MAP2: variants seen among roughly 807,000 people sequenced by gnomAD.
MAP2 encodes microtubule-associated protein 2.
A neutral mutation model predicts 137.6 loss-of-function variants in MAP2; 14 were observed. The observed-to-expected ratio is 0.10, with a 90% CI of 0.07 to 0.16. The LOEUF is 0.16. Among genes scored for constraint, MAP2 ranks in the 10% least tolerant of loss-of-function variants. The pLI is 1.00. For missense variants in MAP2, 2,088 were observed against 2,191.5 expected, an observed-to-expected ratio of 0.95 and a Z score of 0.94; for synonymous variants, 786 against 782.3, an observed-to-expected ratio of 1.00 and a Z score of -0.08.
At chr2:209,564,582 A>C (rs1033196469) in intron 2 of MAP2, among the ~76,000 whole-genome samples, 7 of 150,270 alleles carry the variant, frequency 4.7e-5, no homozygotes, top group Non-Finnish European at 8.9e-5. Flanking sequence ...AAAAAAAAAA[A>C]ACCAAAAGCC....
At chr2:209,482,895 T>C (rs2057908708) in intron 1 of MAP2, among the ~76,000 whole-genome samples, 1 of 152,232 alleles carries the variant, frequency 6.6e-6, no homozygotes, top group African/African-American at 2.4e-5. Flanking sequence ...TTTTACAGAA[T>C]CATTGTCTGT....
At chr2:209,696,854 C>A in intron 9 of MAP2, 63 bp from the exon 10 acceptor site, 2 of 1,552,780 alleles carry the variant, frequency 1.3e-6, no homozygotes, top group Non-Finnish European at 8.7e-7. Context: ...AAATTTCGTT[C>A]GGTTTTGCTC....
In MAP2 at chr2:209,710,229, T is replaced by A; in HGVS notation, c.5048T>A (p.Ile1683Asn). 2 of 1,588,372 alleles carry A rather than the reference T, an allele frequency of 1.3e-6. No individual in the cohort carries two copies. Among genetic ancestry groups the A allele is most frequent in the Non-Finnish European group, 1.7e-6 (2 of 1,166,310 alleles). ...VKSKIGSTDN[I>N]KYQPKGGQVQ... ...TCCAAAATCGGATCAACAGACAACA[T>A]CAAATACCAGCCTAAAGGGGGGCAG... Residue 1683 changes from isoleucine (I) to asparagine (N), a missense_variant, in exon 13 of 16, where the codon ATC (isoleucine) becomes AAC (asparagine). By Grantham distance (149) the Ile-to-Asn change is moderately radical (BLOSUM62 -3). This residue lies in a region of MAP2 where 112 missense variants were observed against 201.0 expected (regional missense o/e 0.56). Transcript: ENST00000682079.
chr2:209,720,654 A>G (rs1404886098), intron 13 of MAP2, among the ~76,000 whole-genome samples: 2 of 151,816 alleles, frequency 1.3e-5, no homozygotes, highest in South Asian at 4.2e-4. Context: ...AAAAAAAAAA[A>G]AAAAAAACTT....
intron 5 of MAP2, among the ~76,000 whole-genome samples, chr2:209,676,843 A>T (rs1346296025): frequency 6.8e-6 from 1 of 148,040 alleles, no homozygotes; most frequent in African/African-American, 2.5e-5. Context: ...CTGGGGTGCT[A>T]GAAGAAGCTA....
chr2:209,704,305 T>A (rs1339131754), intron 11 of MAP2: 6 of 658,186 alleles, frequency 9.1e-6, no homozygotes, highest in African/African-American at 1.8e-5. Context: ...TAAGTACACA[T>A]CTCTATCATT....
rs2082246683 is a variant in MAP2, at chr2:209,599,093, A to C, written c.-107+18993A>C. Among the ~76,000 whole-genome samples the C allele has an allele frequency of 2.0e-5, 3 of 152,214 alleles. No homozygotes were observed. The South Asian group carries it at 6.2e-4, about 32-fold the overall frequency. On this transcript the variant is annotated intron_variant, in intron 3 of 15. Transcript: ENST00000682079. ...TGTCAAAGTGTTCCTATTTCTCCAC[A>C]TCCTCTCCAGCACCTGTTGTTTCCT... is the stretch of plus-strand genomic sequence containing the variant.
At chr2:209,429,109 G>A (rs1319687981) in intron 1 of MAP2, among the ~76,000 whole-genome samples, 5 of 151,628 alleles carry the variant, frequency 3.3e-5, no homozygotes, top group African/African-American at 4.8e-5. Flanking sequence ...GCCCGCCACC[G>A]CTCCCGGCTA....
At chr2:209,692,580 C>A in intron 7 of MAP2, 45 bp from the exon 8 acceptor site, 1 of 1,510,598 alleles carries the variant, frequency 6.6e-7, no homozygotes, top group Non-Finnish European at 8.8e-7. Flanking sequence ...ATTTCCTGAA[C>A]GCACTTGCCT....
chr2:209,585,285 A>G lies in MAP2; in HGVS notation c.-107+5185A>G, dbSNP rs532149136. ...AAAAAAAGCAAAGAAAGAAGAGGACAGGGAAGGTTATAGAAAACAAAGTTA... is the reference window on the plus strand; with the variant it reads ...AAAAAAAGCAAAGAAAGAAGAGGACGGGGAAGGTTATAGAAAACAAAGTTA... On this transcript the variant is annotated intron_variant, in intron 3 of 15. Transcript: ENST00000682079. Among the ~76,000 whole-genome samples the G allele has an allele frequency of 3.3e-5, 5 of 152,098 alleles. No individual in the cohort carries two copies. The East Asian group carries it at 9.7e-4, about 29-fold the overall frequency.
At chr2:209,601,044 G>T (rs2082839473) in intron 3 of MAP2, among the ~76,000 whole-genome samples, 1 of 152,116 alleles carries the variant, frequency 6.6e-6, no homozygotes, top group African/African-American at 2.4e-5. Context: ...TTGCTCTGTA[G>T]GCACAGGTTT....
chr2:209,688,656 A>G (rs1417280797), intron 7 of MAP2, among the ~76,000 whole-genome samples: 2 of 152,200 alleles, frequency 1.3e-5, no homozygotes, highest in African/African-American at 4.8e-5. Flanking sequence ...ACTCAAGTGT[A>G]TAATTGGTTA....
intron 2 of MAP2, among the ~76,000 whole-genome samples, chr2:209,554,634 A>AC (rs2070069433): frequency 6.6e-6 from 1 of 151,888 alleles, no homozygotes; most frequent in South Asian, 2.1e-4. Context: ...CAAAAATACA[A>AC]AGCTACTCAG....
intron 5 of MAP2, among the ~76,000 whole-genome samples, chr2:209,666,334 A>G (rs1582840562): frequency 6.6e-6 from 1 of 152,114 alleles, no homozygotes; most frequent in Admixed American, 6.5e-5. Flanking sequence ...ATAAGAAAAG[A>G]AGCAAATGAT....
chr2:209,431,507 TA>T (rs1415348724), intron 1 of MAP2, among the ~76,000 whole-genome samples: 12 of 152,208 alleles, frequency 7.9e-5, no homozygotes, highest in African/African-American at 2.7e-4. Context: ...TTGCTATTTA[TA>T]TATGAATTAG....
intron 2 of MAP2, among the ~76,000 whole-genome samples, chr2:209,561,154 A>T (rs1470398810): frequency 6.6e-6 from 1 of 152,204 alleles, no homozygotes; most frequent in Non-Finnish European, 1.5e-5. Flanking sequence ...AAGCTAGGCT[A>T]AAAATAGGGA....
At chr2:209,662,127 ATT>A (rs1290671656) in intron 5 of MAP2, among the ~76,000 whole-genome samples, 5 of 152,320 alleles carry the variant, frequency 3.3e-5, no homozygotes, top group African/African-American at 9.6e-5. Flanking sequence ...TTAAGGTATG[ATT>A]TTATTCCTTG....
intron 5 of MAP2, among the ~76,000 whole-genome samples, chr2:209,667,260 T>C (rs928526180): frequency 4.6e-5 from 7 of 152,064 alleles, no homozygotes; most frequent in African/African-American, 1.7e-4. Context: ...ATTTCAGAAC[T>C]GTCCAAGAAA....
At chr2:209,462,010 C>T (rs1702939546) in intron 1 of MAP2, among the ~76,000 whole-genome samples, 1 of 152,056 alleles carries the variant, frequency 6.6e-6, no homozygotes, top group East Asian at 1.9e-4. Flanking sequence ...CTAAGGGGCC[C>T]AATAGTACCT....
Sources: allele counts gnomAD v4.1 joint callset (sites outside exome capture counted in the v4.1 genomes callset), GRCh38; gene constraint gnomAD v4.1.1; regional missense constraint gnomAD v4.1.1; transcripts MANE v1.5; gene names NCBI Gene and HGNC (gene_info 2026-07-23, HGNC 2026-07-21).